The following UBAC2 variants were observed in gnomAD, a reference collection of about 807,000 sequenced individuals.
UBAC2 encodes the protein ubiquitin-associated domain-containing protein 2.
A neutral mutation model predicts 44.0 loss-of-function variants in UBAC2; 26 were observed. The ratio of observed to expected loss-of-function variants is 0.59; its 90% CI spans 0.43 to 0.82. The LOEUF (loss-of-function observed/expected upper bound fraction) is 0.82. UBAC2 is among the 40% of genes least tolerant of loss of function. The pLI is 0.00. For synonymous variants in UBAC2, 155 were observed against 154.3 expected, an observed-to-expected ratio of 1.00 and a Z score of -0.04; for missense variants, 329 against 419.4, an observed-to-expected ratio of 0.78 and a Z score of 1.88.
intron 4 of UBAC2, among the ~76,000 whole-genome samples, chr13:99,249,863 GTCT>G (rs773421789): frequency 6.6e-4 from 100 of 152,226 alleles, no homozygotes; most frequent in Non-Finnish European, 1.1e-3. Flanking sequence ...CCGCTTGCGT[GTCT>G]TCTTTTGAAA....
intron 2 of UBAC2, among the ~76,000 whole-genome samples, chr13:99,241,302 C>T (rs1197389508): frequency 6.6e-6 from 1 of 151,014 alleles, no homozygotes; most frequent in Non-Finnish European, 1.5e-5. Flanking sequence ...TTACTATTAC[C>T]AATGTTCGCA....
chr13:99,239,166 C>G (rs769563598), intron 2 of UBAC2, among the ~76,000 whole-genome samples: 1 of 152,206 alleles, frequency 6.6e-6, no homozygotes, highest in Non-Finnish European at 1.5e-5. Flanking sequence ...CCATTTTAAG[C>G]ATAATAATCC....
intron 2 of UBAC2, among the ~76,000 whole-genome samples, chr13:99,239,587 C>T (rs1284391600): frequency 2.0e-5 from 3 of 152,224 alleles, no homozygotes; most frequent in Non-Finnish European, 2.9e-5. Context: ...GCCCCCGGGC[C>T]TTGGGTTGAT....
At chr13:99,244,769 A>C (rs1009807394) in intron 4 of UBAC2, 145 bp downstream of exon 4, 4 of 476,212 alleles carry the variant, frequency 8.4e-6, no homozygotes, top group Non-Finnish European at 1.5e-5. Flanking sequence ...AGTCTAATCT[A>C]TGCCTACATT....
Position 99,297,629 on chromosome 13 carries a change from C to T in UBAC2, c.390-16468C>T, listed in dbSNP as rs1054625209. Reference sequence around the variant, plus strand: ...CATTATAACCTAAATGGAAATAAAACCTAAAGCAAAAGAGAGCAAAAATGG... The same window carrying T: ...CATTATAACCTAAATGGAAATAAAATCTAAAGCAAAAGAGAGCAAAAATGG... On this transcript the variant is annotated intron_variant, in intron 4 of 8. Coordinates refer to ENST00000403766, the MANE Select transcript of UBAC2 (RefSeq NM_001144072.2). 2.6e-5 allele frequency among the ~76,000 whole-genome samples: 4 copies of T among 151,630 alleles called. No homozygotes were observed. In the East Asian group the frequency reaches 7.7e-4, roughly 29 times the overall value.
chr13:99,338,622 T>C (rs1179034602), intron 6 of UBAC2, among the ~76,000 whole-genome samples: 4 of 152,236 alleles, frequency 2.6e-5, no homozygotes, highest in Non-Finnish European at 5.9e-5. Flanking sequence ...TTGTTTCTGT[T>C]TTCATTTTCT....
intron 4 of UBAC2, among the ~76,000 whole-genome samples, chr13:99,313,843 TTAG>T (rs1328950630): frequency 6.6e-6 from 1 of 152,222 alleles, no homozygotes; most frequent in East Asian, 1.9e-4. Flanking sequence ...TTTCTCACAC[TTAG>T]TAGGTGCTGA....
chr13:99,247,890 A>AC (rs1408283883), intron 4 of UBAC2, among the ~76,000 whole-genome samples: 1 of 141,186 alleles, frequency 7.1e-6, no homozygotes, highest in African/African-American at 2.6e-5. Flanking sequence ...TTTTTACCTC[A>AC]CCACTATATA....
chr13:99,271,103 C>A (rs1412518775), intron 4 of UBAC2, among the ~76,000 whole-genome samples: 1 of 152,052 alleles, frequency 6.6e-6, no homozygotes, highest in East Asian at 1.9e-4. Flanking sequence ...TTGTCCTCAT[C>A]GACTGTACAT....
chr13:99,314,008 A>C, intron 4 of UBAC2, 89 bp from the exon 5 acceptor site: 1 of 1,251,984 alleles, frequency 8.0e-7, no homozygotes, highest in Non-Finnish European at 1.1e-6. Context: ...ACTGAAATAA[A>C]ATTATAAGCA....
intron 7 of UBAC2, chr13:99,356,069 C>A: frequency 2.0e-6 from 1 of 493,002 alleles, no homozygotes; most frequent in Admixed American, 2.0e-5. Flanking sequence ...CTAGGTATGT[C>A]AGGCCTCTGA....
chr13:99,278,230 A>G (rs2043908587), intron 4 of UBAC2, among the ~76,000 whole-genome samples: 1 of 152,204 alleles, frequency 6.6e-6, no homozygotes, highest in African/African-American at 2.4e-5. Context: ...TTAAATTTGT[A>G]GTCCTGTGTG....
At chr13:99,358,154 C>T (rs192127399) in intron 7 of UBAC2, among the ~76,000 whole-genome samples, 4 of 152,114 alleles carry the variant, frequency 2.6e-5, no homozygotes, top group East Asian at 1.9e-4. Flanking sequence ...AATGTGAGGG[C>T]GGTGTTGTGA....
chr13:99,208,579 A>G (rs1427059096), intron 1 of UBAC2, among the ~76,000 whole-genome samples: 1 of 152,204 alleles, frequency 6.6e-6, no homozygotes, highest in Middle Eastern at 3.2e-3. Flanking sequence ...TCATTCAAAG[A>G]TTAGACTTTC....
chr13:99,265,889 T>C (rs2043737433), intron 4 of UBAC2, among the ~76,000 whole-genome samples: 1 of 152,172 alleles, frequency 6.6e-6, no homozygotes, highest in African/African-American at 2.4e-5. Flanking sequence ...AGTGGGCAAG[T>C]TAAAAAGGTT....
intron 4 of UBAC2, among the ~76,000 whole-genome samples, chr13:99,263,026 T>C (rs755884901): frequency 1.4e-4 from 21 of 152,242 alleles, no homozygotes; most frequent in Non-Finnish European, 2.4e-4. Context: ...TCATGCTGAC[T>C]GCAAAGTATG....
chr13:99,367,692 C>G, intron 7 of UBAC2, 95 bp from the exon 8 acceptor site: 1 of 1,512,998 alleles, frequency 6.6e-7, no homozygotes, highest in East Asian at 2.3e-5. Flanking sequence ...CCTTCCCAGT[C>G]TATAGATGTA....
rs201631345 is a variant in UBAC2 at position 99,307,709 on chromosome 13, C to CA, written c.390-6380dup. Among the ~76,000 whole-genome samples the CA allele has an allele frequency of 5.8e-3, 885 of 151,302 alleles. 8 individuals are homozygous for CA. The highest frequency in any genetic ancestry group is 0.02 in the African/African-American group (843 of 41,254). The stretch of plus-strand genomic sequence containing the variant: ...AGAGACTGAAGCAATAAACCTTAAC[C>CA]AAAAAAAAGACCAAGTTACTGATGA... On this transcript the variant is annotated intron_variant, in intron 4 of 8. Transcript: ENST00000403766.
At chr13:99,381,507 G>A (rs1041753433) in intron 8 of UBAC2, among the ~76,000 whole-genome samples, 7 of 152,164 alleles carry the variant, frequency 4.6e-5, no homozygotes, top group Admixed American at 2.6e-4. Context: ...TTAAATAAAC[G>A]TCATTAAGAG....
Sources: allele counts gnomAD v4.1 joint callset (sites outside exome capture counted in the v4.1 genomes callset), GRCh38; gene constraint gnomAD v4.1.1; transcripts MANE v1.5; gene names NCBI Gene and HGNC (gene_info 2026-07-23, HGNC 2026-07-21).